TRPC6: variants seen among roughly 807,000 people sequenced by gnomAD.
TRPC6 encodes short transient receptor potential channel 6.
A neutral mutation model predicts 90.7 loss-of-function variants in TRPC6; 55 were observed. That is an observed-to-expected ratio of 0.61 (90% CI 0.49 to 0.76). TRPC6 has a LOEUF of 0.76. Among genes scored for constraint, TRPC6 ranks in the 30% least tolerant of loss-of-function variants. The pLI is 0.00. For synonymous variants in TRPC6, 393 were observed against 393.0 expected, an observed-to-expected ratio of 1.00 and a Z score of 0.00; for missense variants, 989 against 1,122.7, an observed-to-expected ratio of 0.88 and a Z score of 1.70.
intron 1 of TRPC6, among the ~76,000 whole-genome samples, chr11:101,564,832 T>C (rs527996374): frequency 3.3e-5 from 5 of 152,168 alleles, no homozygotes; most frequent in South Asian, 2.1e-4. Flanking sequence ...TTGAAAGTTA[T>C]AGTAATCAAA....
rs189097661 is a variant in TRPC6 at position 101,492,977 on chromosome 11, A to G, written c.946-1239T>C. Reference sequence around the variant, plus strand: ...TTTGTAGTTTGTTGCTGATAATCTAATACTCTATTGGGAAGACTTAAATCA... The same window carrying G: ...TTTGTAGTTTGTTGCTGATAATCTAGTACTCTATTGGGAAGACTTAAATCA... On this transcript the variant is annotated intron_variant, in intron 2 of 12. Coordinates refer to ENST00000344327, the MANE Select transcript of TRPC6 (RefSeq NM_004621.6). Among the ~76,000 whole-genome samples the G allele has an allele frequency of 1.6e-3, 249 of 152,318 alleles. 1 individual carries two copies. Among genetic ancestry groups the G allele is most frequent in the Middle Eastern group, 0.014 (4 of 294 alleles).
intron 1 of TRPC6, among the ~76,000 whole-genome samples, chr11:101,539,002 A>C (rs1273287201): frequency 6.6e-6 from 1 of 152,250 alleles, no homozygotes; most frequent in Non-Finnish European, 1.5e-5. Context: ...CAGAACAGAG[A>C]AATCAGCCAG....
At chr11:101,553,672 A>G (rs1426065408) in intron 1 of TRPC6, among the ~76,000 whole-genome samples, 1 of 152,122 alleles carries the variant, frequency 6.6e-6, no homozygotes, top group Non-Finnish European at 1.5e-5. Context: ...AGAACTTAGC[A>G]TACACTGGAT....
chr11:101,492,364 G>A (rs545092837), intron 2 of TRPC6, among the ~76,000 whole-genome samples: 74 of 152,204 alleles, frequency 4.9e-4, no homozygotes, highest in Non-Finnish European at 5.7e-4. Context: ...TTGGCAGATC[G>A]CTTGAGCCCA....
At chr11:101,502,510 A>G (rs1860154465) in intron 2 of TRPC6, among the ~76,000 whole-genome samples, 2 of 152,368 alleles carry the variant, frequency 1.3e-5, no homozygotes, top group South Asian at 4.1e-4. Flanking sequence ...GTTTAGAGAA[A>G]GCATGTAAAC....
intron 10 of TRPC6, among the ~76,000 whole-genome samples, chr11:101,464,656 C>T (rs1028527504): frequency 2.6e-5 from 4 of 152,082 alleles, no homozygotes; most frequent in African/African-American, 9.7e-5. Flanking sequence ...AAATATTCCT[C>T]CATCCCTTTA....
At chr11:101,550,356 A>T (rs1365437316) in intron 1 of TRPC6, among the ~76,000 whole-genome samples, 1 of 151,642 alleles carries the variant, frequency 6.6e-6, no homozygotes, top group Non-Finnish European at 1.5e-5. Context: ...TAAGCTATGG[A>T]TGTAAAATCA....
intron 1 of TRPC6, among the ~76,000 whole-genome samples, chr11:101,538,407 G>A (rs11224824): frequency 0.15 from 23,409 of 151,928 alleles, 1,979 homozygotes; most frequent in Admixed American, 0.19. Flanking sequence ...ATTTTTGTAC[G>A]GCAGTTTTGC....
At chr11:101,484,667 G>A (rs1241293818) in intron 4 of TRPC6, among the ~76,000 whole-genome samples, 1 of 150,452 alleles carries the variant, frequency 6.6e-6, no homozygotes, top group Non-Finnish European at 1.5e-5. Context: ...GTATCCATGA[G>A]GGATTGGTTC....
In TRPC6 at chr11:101,483,099, GA is replaced by G; in HGVS notation, c.1359del (p.Leu454TrpfsTer4). Reference sequence around the variant, plus strand: ...GCTGCATTCATGACTAGCAGTCCCAGAAAAATGGTGAAGGAGGCTGCGTGTG... The same window carrying G: ...GCTGCATTCATGACTAGCAGTCCCAGAAAATGGTGAAGGAGGCTGCGTGTG... ...FVAHAASFTI[F>X]LGLLVMNAAD... is the part of the protein sequence containing the mutation. On this transcript the variant is annotated frameshift_variant, in exon 5 of 13. Coordinates refer to ENST00000344327, the MANE Select transcript of TRPC6 (RefSeq NM_004621.6). LOFTEE classifies it high-confidence loss of function. 1 of 1,614,054 alleles carries G rather than the reference GA, an allele frequency of 6.2e-7. No homozygotes were observed. Among genetic ancestry groups the G allele is most frequent in the East Asian group, 2.2e-5 (1 of 44,876 alleles).
At position 101,583,450 on chromosome 11, in the gene TRPC6, A is replaced by C; in HGVS notation, c.54T>G (p.Ala18=). ...GPRRGSSPRG[A]AGAAARRNES... is the part of the protein sequence containing the mutation. ...CGTTGCGCCGCGCAGCGGCTCCGGC[A>C]GCGCCCCGGGGAGAACTGCCCCTCC... The change falls in exon 1 of 13, where the codon GCT becomes GCG. Residue 18 remains alanine (A), a synonymous_variant. Coordinates refer to ENST00000344327, the MANE Select transcript of TRPC6 (RefSeq NM_004621.6). The C allele has an allele frequency of 6.5e-7, 1 of 1,539,558 alleles. No individual in the cohort carries two copies. The highest frequency in any genetic ancestry group is 8.8e-7 in the Non-Finnish European group (1 of 1,141,932).
chr11:101,566,374 A>T (rs1175716061), intron 1 of TRPC6, among the ~76,000 whole-genome samples: 1 of 152,168 alleles, frequency 6.6e-6, no homozygotes, highest in Non-Finnish European at 1.5e-5. Flanking sequence ...TAGTTTTCAC[A>T]AATTCTTTCA....
chr11:101,490,132 C>T (rs899027160), intron 3 of TRPC6, among the ~76,000 whole-genome samples: 1 of 152,070 alleles, frequency 6.6e-6, no homozygotes, highest in South Asian at 2.1e-4. Flanking sequence ...GCTATATCAA[C>T]AAATATGTTT....
intron 5 of TRPC6, among the ~76,000 whole-genome samples, chr11:101,478,776 A>G (rs1859476176): frequency 1.3e-5 from 2 of 152,038 alleles, no homozygotes; most frequent in Admixed American, 1.3e-4. Context: ...CCACTGTTGA[A>G]TTTTCAGAAT....
At chr11:101,570,544 A>G (rs1164560300) in intron 1 of TRPC6, among the ~76,000 whole-genome samples, 1 of 152,250 alleles carries the variant, frequency 6.6e-6, no homozygotes, top group Non-Finnish European at 1.5e-5. Flanking sequence ...TCATCCTGAT[A>G]CCAACACCTG....
At chr11:101,549,555 A>G (rs1861405624) in intron 1 of TRPC6, among the ~76,000 whole-genome samples, 1 of 151,676 alleles carries the variant, frequency 6.6e-6, no homozygotes, top group Non-Finnish European at 1.5e-5. Flanking sequence ...GTTTATGATA[A>G]AATCATTTCA....
intron 1 of TRPC6, among the ~76,000 whole-genome samples, chr11:101,523,282 G>A (rs1860702821): frequency 6.6e-6 from 1 of 152,208 alleles, no homozygotes; most frequent in African/African-American, 2.4e-5. Flanking sequence ...AAAGCAAGGA[G>A]CAGGAGGATG....
chr11:101,541,530 T>C lies in TRPC6; in HGVS notation c.171-36732A>G, dbSNP rs187359052. Among the ~76,000 whole-genome samples, 58 of 136,758 alleles carry C rather than the reference T, an allele frequency of 4.2e-4. 1 individual carries two copies. The East Asian group carries it at 9.8e-3, about 23-fold the overall frequency. 89.7% of individuals were successfully genotyped at this position (136,758 alleles called of 152,430 possible). On this transcript the variant is annotated intron_variant, in intron 1 of 12. Coordinates refer to ENST00000344327, the MANE Select transcript of TRPC6 (RefSeq NM_004621.6). ...GCACCTGCCACCACGCCCGGGTAAT[T>C]TTTTGTATTTTTAGTACAGACAGGG...
At chr11:101,491,017 G>C (rs527964940) in intron 3 of TRPC6, among the ~76,000 whole-genome samples, 1 of 152,296 alleles carries the variant, frequency 6.6e-6, no homozygotes, top group East Asian at 1.9e-4. Context: ...AGCACAGTAA[G>C]AAAATGGCAA....
Sources: allele counts gnomAD v4.1 joint callset (sites outside exome capture counted in the v4.1 genomes callset), GRCh38; gene constraint gnomAD v4.1.1; transcripts MANE v1.5; gene names NCBI Gene and HGNC (gene_info 2026-07-23, HGNC 2026-07-21).